Variants in CTNNA3 observed in about 807,000 individuals in gnomAD.
The protein encoded by CTNNA3 is catenin alpha 3.
In CTNNA3, 76 loss-of-function variants were observed where a neutral mutation model predicts 95.7. That is an observed-to-expected ratio of 0.79 (90% CI 0.66 to 0.96). CTNNA3 has a LOEUF of 0.96. CTNNA3 is among the 40% of genes least tolerant of loss of function. The probability of loss-of-function intolerance (pLI) is 0.00; values close to 1 mark genes in which losing one functional copy is unlikely to be tolerated. For synonymous variants in CTNNA3, 431 were observed against 374.4 expected, an observed-to-expected ratio of 1.15 and a Z score of -1.74; for missense variants, 1,191 against 1,089.8, an observed-to-expected ratio of 1.09 and a Z score of -1.31.
chr10:67,667,192 A>T (rs963024755), intron 1 of CTNNA3, among the ~76,000 whole-genome samples: 3 of 152,166 alleles, frequency 2.0e-5, no homozygotes, highest in Admixed American at 6.5e-5. Flanking sequence ...TACAGCATTA[A>T]TATATTTCTC....
chr10:66,082,178 G>GAA (rs1382726860), intron 14 of CTNNA3, among the ~76,000 whole-genome samples: 1 of 139,840 alleles, frequency 7.2e-6, no homozygotes. Context: ...TAACTACAAA[G>GAA]AAAAAAAAAA....
chr10:66,344,370 G>A (rs1014652980), intron 12 of CTNNA3, among the ~76,000 whole-genome samples: 3 of 150,382 alleles, frequency 2.0e-5, no homozygotes, highest in African/African-American at 7.4e-5. Flanking sequence ...GGGTTCAAAC[G>A]ATTCTCCTGC....
At chr10:66,523,787 T>G (rs1386141) in intron 10 of CTNNA3, among the ~76,000 whole-genome samples, 4,075 of 152,228 alleles carry the variant, frequency 0.027, 195 homozygotes, top group African/African-American at 0.093. Flanking sequence ...CAGTCTCTAT[T>G]TGCTCTTAGA....
intron 14 of CTNNA3, among the ~76,000 whole-genome samples, chr10:66,069,747 A>G (rs185318616): frequency 5.9e-5 from 9 of 152,288 alleles, no homozygotes; most frequent in Admixed American, 2.0e-4. Flanking sequence ...ACTTAAATCC[A>G]TTTTATAAAA....
rs574914769 is a variant in CTNNA3 at position 66,015,123 on chromosome 10, T to A, written c.2160-26326A>T. ...TCTCAAAAAATAATAATAATAATAA[T>A]AAAATAAAATAAAATAAACTTTTTG... On this transcript the variant is annotated intron_variant, in intron 15 of 17. Transcript: ENST00000433211. Among the ~76,000 whole-genome samples, 10 of 150,810 alleles carry A rather than the reference T, an allele frequency of 6.6e-5. No individual in the cohort carries two copies. The East Asian group carries it at 9.8e-4, about 15-fold the overall frequency.
chr10:67,196,265 A>T (rs1283972672), intron 6 of CTNNA3, among the ~76,000 whole-genome samples: 3 of 152,108 alleles, frequency 2.0e-5, no homozygotes, highest in Non-Finnish European at 2.9e-5. Context: ...CAAAATGTGA[A>T]CAATAAACTA....
intron 12 of CTNNA3, among the ~76,000 whole-genome samples, chr10:66,363,127 CA>C (rs1460948509): frequency 6.6e-6 from 1 of 152,002 alleles, no homozygotes; most frequent in African/African-American, 2.4e-5. Flanking sequence ...AACATTAGGC[CA>C]AAAAAATCTC....
At chr10:66,096,458 A>G (rs1457029498) in intron 14 of CTNNA3, among the ~76,000 whole-genome samples, 1 of 152,008 alleles carries the variant, frequency 6.6e-6, no homozygotes, top group Non-Finnish European at 1.5e-5. Flanking sequence ...CTCTTTTTTT[A>G]AAAAATCATT....
intron 9 of CTNNA3, among the ~76,000 whole-genome samples, chr10:66,744,410 C>A (rs1849434347): frequency 6.6e-6 from 1 of 152,110 alleles, no homozygotes; most frequent in African/African-American, 2.4e-5. Context: ...TATAGATCAT[C>A]AACTTCCATA....
At chr10:66,655,485 G>A (rs1008418252) in intron 9 of CTNNA3, among the ~76,000 whole-genome samples, 22 of 152,032 alleles carry the variant, frequency 1.4e-4, no homozygotes, top group African/African-American at 5.3e-4. Flanking sequence ...AGGTATCTGG[G>A]ATAGAAGCAA....
chr10:67,468,795 C>T (rs1042760037), intron 5 of CTNNA3, among the ~76,000 whole-genome samples: 3 of 152,110 alleles, frequency 2.0e-5, no homozygotes, highest in Admixed American at 6.5e-5. Flanking sequence ...TGCCCAGCAA[C>T]CGGGAACACA....
chr10:67,017,881 T>C (rs1852759109), intron 7 of CTNNA3, among the ~76,000 whole-genome samples: 1 of 152,118 alleles, frequency 6.6e-6, no homozygotes, highest in African/African-American at 2.4e-5. Context: ...GCGATTCTCC[T>C]GCCTCAGCCT....
At chr10:67,162,389 TA>T (rs1426978512) in intron 7 of CTNNA3, among the ~76,000 whole-genome samples, 1 of 141,538 alleles carries the variant, frequency 7.1e-6, no homozygotes, top group African/African-American at 3.0e-5. Context: ...TCCTGGGCCA[TA>T]AAATAGCCTC....
intron 7 of CTNNA3, among the ~76,000 whole-genome samples, chr10:67,108,095 G>T (rs1194742942): frequency 6.6e-6 from 1 of 152,188 alleles, no homozygotes; most frequent in Non-Finnish European, 1.5e-5. Context: ...ACCAGTACTA[G>T]AATGTACATT....
At chr10:66,483,030 G>A (rs1173584656) in intron 11 of CTNNA3, among the ~76,000 whole-genome samples, 2 of 152,140 alleles carry the variant, frequency 1.3e-5, no homozygotes, top group South Asian at 2.1e-4. Context: ...AAAGAAGGAC[G>A]TTTTCCTAAG....
At chr10:67,340,484 T>C (rs1039981197) in intron 5 of CTNNA3, among the ~76,000 whole-genome samples, 106 of 152,326 alleles carry the variant, frequency 7.0e-4, no homozygotes, top group South Asian at 2.1e-4. Flanking sequence ...CATGCTAATA[T>C]ATCAGGTTCA....
At chr10:67,005,682 C>CTTTTTTTTTTTATTTTTTTTTTTTTTTT (rs1851928113) in intron 7 of CTNNA3, among the ~76,000 whole-genome samples, 1 of 61,976 alleles carries the variant, frequency 1.6e-5, no homozygotes, top group Non-Finnish European at 2.9e-5. Context: ...TTTACTCCAT[C>CTTTTTTTTTTTATTTTTTTTTTTTTTTT]TTTTTTTTTT....
At chr10:67,761,614 C>A (rs1841461779) in intron 1 of CTNNA3, among the ~76,000 whole-genome samples, 1 of 152,078 alleles carries the variant, frequency 6.6e-6, no homozygotes, top group Non-Finnish European at 1.5e-5. Flanking sequence ...CGCGGTGGTT[C>A]ACGCCTGTGA....
intron 6 of CTNNA3, among the ~76,000 whole-genome samples, chr10:67,191,565 A>G (rs952086754): frequency 3.9e-5 from 6 of 151,964 alleles, no homozygotes; most frequent in African/African-American, 1.4e-4. Context: ...CTGTGGTTAC[A>G]TTAAAAATTA....
Sources: gnomAD v4.1 joint callset for allele counts (sites outside exome capture counted in the v4.1 genomes callset) on GRCh38, gnomAD v4.1.1 for gene constraint, MANE v1.5 for transcripts, NCBI Gene and HGNC (gene_info 2026-07-23, HGNC 2026-07-21) for gene names.